The following PRTG variants were observed in gnomAD, a reference collection of about 807,000 sequenced individuals.
PRTG encodes the protein immunoglobulin superfamily, DCC subclass, member 5.
PRTG carries 67 observed loss-of-function variants against 122.5 expected under a neutral mutation model. That is an observed-to-expected ratio of 0.55 (90% CI 0.45 to 0.67). The LOEUF is 0.67. Among genes scored for constraint, PRTG ranks in the 30% least tolerant of loss-of-function variants. The pLI is 0.00. For synonymous variants in PRTG, 554 were observed against 501.1 expected (o/e 1.11, Z -1.41); for missense variants, 1,435 against 1,415.4 (o/e 1.01, Z -0.22).
rs1294880659 is a variant in PRTG at position 55,612,711 on chromosome 15, T to C, written c.*7301A>G. The C allele has an allele frequency of 7.9e-5, 1 of 12,594 alleles. No homozygotes were observed. Among genetic ancestry groups the C allele is most frequent in the African/African-American group, 1.0e-4 (1 of 9,666 alleles). 0.8% of individuals were successfully genotyped at this position (12,594 alleles called of 1,614,324 possible). ...CTTTAAAAGCCAATATATATATATA[T>C]ATATATATATATATATATATATATA... On this transcript the variant is annotated 3_prime_UTR_variant, in exon 20 of 20. Coordinates refer to ENST00000389286, the MANE Select transcript of PRTG (RefSeq NM_173814.6).
At chr15:55,691,377 T>C (rs1158126828) in intron 2 of PRTG, among the ~76,000 whole-genome samples, 1 of 151,748 alleles carries the variant, frequency 6.6e-6, no homozygotes, top group East Asian at 1.9e-4. Context: ...ATTGGCTTTC[T>C]AGCTGGGTAA....
At chr15:55,676,147 T>C (rs1039263373) in intron 8 of PRTG, among the ~76,000 whole-genome samples, 1 of 152,128 alleles carries the variant, frequency 6.6e-6, no homozygotes, top group African/African-American at 2.4e-5. Context: ...CTGCGAAAGA[T>C]CTCATTTTGC....
chr15:55,688,805 G>T (rs988302925), intron 2 of PRTG, among the ~76,000 whole-genome samples: 2 of 152,140 alleles, frequency 1.3e-5, no homozygotes, highest in African/African-American at 2.4e-5. Flanking sequence ...CTGCACTCCC[G>T]CCTGGTGACA....
At chr15:55,682,004 T>C (rs147402073) in intron 4 of PRTG, among the ~76,000 whole-genome samples, 2 of 152,172 alleles carry the variant, frequency 1.3e-5, no homozygotes, top group African/African-American at 4.8e-5. Flanking sequence ...TTAGGTATTA[T>C]AAGTAATCTA....
chr15:55,709,998 A>G (rs763830360), intron 2 of PRTG, among the ~76,000 whole-genome samples: 1 of 152,158 alleles, frequency 6.6e-6, no homozygotes. Context: ...TTGTGCATCA[A>G]TTATGCCTCA....
chr15:55,714,969 T>TA (rs2030545823), intron 2 of PRTG, among the ~76,000 whole-genome samples: 1 of 152,170 alleles, frequency 6.6e-6, no homozygotes, highest in South Asian at 2.1e-4. Context: ...ACAGATAAAA[T>TA]ACTCTAATAA....
chr15:55,693,414 C>T (rs1238674084), intron 2 of PRTG, among the ~76,000 whole-genome samples: 1 of 151,792 alleles, frequency 6.6e-6, no homozygotes, highest in African/African-American at 2.4e-5. Flanking sequence ...TGAGATCGCA[C>T]CATTGCTCTC....
chr15:55,695,441 A>C (rs2059626712), intron 2 of PRTG, among the ~76,000 whole-genome samples: 1 of 152,234 alleles, frequency 6.6e-6, no homozygotes, highest in African/African-American at 2.4e-5. Context: ...TATTATTTAA[A>C]CATAAAATAA....
At position 55,738,554 on chromosome 15, in the gene PRTG, ACT is replaced by A. The variant is rs2031508359; in HGVS notation, c.397+1826_397+1827del. On this transcript the variant is annotated intron_variant, in intron 2 of 19. Coordinates refer to ENST00000389286, the MANE Select transcript of PRTG (RefSeq NM_173814.6). ...AAGATGAAAACACAGGATTCTACAA[ACT>A]CTAAAAGGTGGGAAAATAACAACTC... The A allele has an allele frequency of 4.3e-6, 3 of 700,498 alleles. No homozygotes were observed. The African/African-American group carries it at 5.2e-5, about 12-fold the overall frequency. The allele number at this position is 700,498 out of a possible 1,614,324, so 43.4% of individuals were successfully genotyped here.
In PRTG at chr15:55,619,956, G is replaced by T; in HGVS notation, c.*56C>A. ...TGCTCACTAACAGATGACACAGCAG[G>T]GTCTTCACACTTCCTCAATGCGGAA... On this transcript the variant is annotated 3_prime_UTR_variant, in exon 20 of 20. Transcript: ENST00000389286. The T allele has an allele frequency of 6.2e-7, 1 of 1,600,084 alleles. No individual in the cohort carries two copies. Among genetic ancestry groups the T allele is most frequent in the South Asian group, 1.1e-5 (1 of 87,988 alleles).
At chr15:55,724,414 T>A (rs1418568360) in intron 2 of PRTG, among the ~76,000 whole-genome samples, 1 of 152,078 alleles carries the variant, frequency 6.6e-6, no homozygotes, top group African/African-American at 2.4e-5. Context: ...CAATTTCTCA[T>A]CAGAAATCAC....
intron 11 of PRTG, among the ~76,000 whole-genome samples, chr15:55,644,435 G>T (rs948846130): frequency 6.6e-6 from 1 of 152,070 alleles, no homozygotes; most frequent in African/African-American, 2.4e-5. Context: ...GGTTCCATTT[G>T]TTAGCCCTAA....
chr15:55,740,110 G>A (rs1396140152), intron 2 of PRTG, among the ~76,000 whole-genome samples: 1 of 152,044 alleles, frequency 6.6e-6, no homozygotes, highest in Admixed American at 6.6e-5. Context: ...TTCATACTTC[G>A]TGAAATGCTT....
At position 55,624,334 on chromosome 15, in the gene PRTG, C is replaced by A; in HGVS notation, c.3093+8G>T. On this transcript the variant is annotated splice_region_variant and intron_variant, in intron 18 of 19. Coordinates refer to ENST00000389286, the MANE Select transcript of PRTG (RefSeq NM_173814.6). Reference sequence around the variant, plus strand: ...ACGGCTTATGCAGCAAATCCCGCAGCTCAGTACCTTTGCATCAATGAAGCT... The same window carrying A: ...ACGGCTTATGCAGCAAATCCCGCAGATCAGTACCTTTGCATCAATGAAGCT... 6.2e-7 allele frequency: 1 copy of A among 1,613,334 alleles called. No individual in the cohort carries two copies. The highest frequency in any genetic ancestry group is 1.1e-5 in the South Asian group (1 of 90,900).
Position 55,740,637 on chromosome 15 carries a change from C to T in PRTG, c.142G>A (p.Val48Ile), listed in dbSNP as rs1230160672. Reference sequence around the variant, plus strand: ...ACTGGGTCCTTTCTTGTGACAGTTACATCCTGTGGTTCTTTTACAAAAGAC... The same window carrying T: ...ACTGGGTCCTTTCTTGTGACAGTTATATCCTGTGGTTCTTTTACAAAAGAC... ...ELSFVKEPQD[V>I]TVTRKDPVVL... Residue 48 changes from valine (V) to isoleucine (I), a missense_variant, in exon 2 of 20, where the codon GTA (valine) becomes ATA (isoleucine). Coordinates refer to ENST00000389286, the MANE Select transcript of PRTG (RefSeq NM_173814.6). 3 of 1,613,974 alleles carry T rather than the reference C, an allele frequency of 1.9e-6. No homozygotes were observed. In the African/African-American group the frequency reaches 4.0e-5, roughly 22 times the overall value.
At chr15:55,708,474 G>A (rs1193246496) in intron 2 of PRTG, among the ~76,000 whole-genome samples, 1 of 152,078 alleles carries the variant, frequency 6.6e-6, no homozygotes, top group African/African-American at 2.4e-5. Flanking sequence ...CGGGTGCAGT[G>A]GCAGGCACCT....
At position 55,639,843 on chromosome 15, in the gene PRTG, A is replaced by C; in HGVS notation, c.2138-15T>G. 1.2e-6 allele frequency: 2 copies of C among 1,612,792 alleles called. No individual in the cohort carries two copies. Among genetic ancestry groups the C allele is most frequent in the Non-Finnish European group, 1.7e-6 (2 of 1,179,206 alleles). ...ATCACGAACAGCTATTGAGAAAAAC[A>C]ATGTTAATTTACGATACGACATAAC... On this transcript the variant is annotated splice_polypyrimidine_tract_variant and intron_variant, in intron 12 of 19. Transcript: ENST00000389286.
intron 1 of PRTG, among the ~76,000 whole-genome samples, chr15:55,741,648 G>C (rs1173250790): frequency 6.6e-6 from 1 of 152,136 alleles, no homozygotes; most frequent in East Asian, 1.9e-4. Flanking sequence ...GGGTGTGTGG[G>C]GGAAGCGTTG....
chr15:55,695,486 T>C (rs2059626913), intron 2 of PRTG, among the ~76,000 whole-genome samples: 1 of 152,198 alleles, frequency 6.6e-6, no homozygotes, highest in South Asian at 2.1e-4. Flanking sequence ...TTTTAAACGG[T>C]GGTCCTAACA....
Sources: gnomAD v4.1 joint callset for allele counts (sites outside exome capture counted in the v4.1 genomes callset) on GRCh38, gnomAD v4.1.1 for gene constraint, MANE v1.5 for transcripts, NCBI Gene and HGNC (gene_info 2026-07-23, HGNC 2026-07-21) for gene names.